Variants in MYO3B observed in about 807,000 individuals in gnomAD.
MYO3B encodes the protein myosin-IIIb.
Under a neutral mutation model 174.6 loss-of-function variants are expected in MYO3B, and 156 were observed. The observed-to-expected ratio is 0.89, with a 90% confidence interval of 0.78 to 1.02. The LOEUF (loss-of-function observed/expected upper bound fraction) is 1.02, where lower values mean the gene tolerates loss of function less well. Ranked by LOEUF, MYO3B falls within the 50% of genes least tolerant of loss-of-function variation. MYO3B has a pLI of 0.00. For missense variants in MYO3B, 1,632 were observed against 1,639.4 expected, an observed-to-expected ratio of 1.00 and a Z score of 0.08; for synonymous variants, 563 against 569.1, an observed-to-expected ratio of 0.99 and a Z score of 0.15.
intron 30 of MYO3B, among the ~76,000 whole-genome samples, chr2:170,534,130 A>G (rs1017154446): frequency 6.6e-6 from 1 of 152,180 alleles, no homozygotes. Flanking sequence ...TACGAACTGA[A>G]GGTTTGTGCC....
intron 32 of MYO3B, among the ~76,000 whole-genome samples, chr2:170,572,423 G>C (rs189665187): frequency 6.8e-6 from 1 of 146,350 alleles, no homozygotes; most frequent in African/African-American, 2.5e-5. Flanking sequence ...GCAAGACTCT[G>C]TCTCAAAAAA....
chr2:170,632,648 G>T (rs747624038), intron 32 of MYO3B, among the ~76,000 whole-genome samples: 1 of 152,092 alleles, frequency 6.6e-6, no homozygotes, highest in African/African-American at 2.4e-5. Context: ...AGAACTGAAA[G>T]AGATAGAGAC....
intron 1 of MYO3B, among the ~76,000 whole-genome samples, chr2:170,181,581 A>G (rs2092398952): frequency 6.6e-6 from 1 of 152,178 alleles, no homozygotes; most frequent in Non-Finnish European, 1.5e-5. Flanking sequence ...AGATTCCTGT[A>G]TCAGATGAAG....
At chr2:170,197,923 A>G (rs2092618192) in intron 1 of MYO3B, among the ~76,000 whole-genome samples, 1 of 152,152 alleles carries the variant, frequency 6.6e-6, no homozygotes, top group Non-Finnish European at 1.5e-5. Flanking sequence ...GCAAAGCAGC[A>G]AGGAATGTGC....
chr2:170,620,198 A>T (rs1695796895), intron 32 of MYO3B, among the ~76,000 whole-genome samples: 1 of 152,192 alleles, frequency 6.6e-6, no homozygotes. Flanking sequence ...CAAACCAAAA[A>T]AAAAACACTT....
At chr2:170,190,433 G>A (rs1485508369) in intron 1 of MYO3B, among the ~76,000 whole-genome samples, 1 of 152,118 alleles carries the variant, frequency 6.6e-6, no homozygotes, top group African/African-American at 2.4e-5. Context: ...TCCTTCCCCT[G>A]TAGGGCAGCA....
chr2:170,620,203 A>AC (rs1695798448), intron 32 of MYO3B, among the ~76,000 whole-genome samples: 1 of 152,170 alleles, frequency 6.6e-6, no homozygotes, highest in Non-Finnish European at 1.5e-5. Flanking sequence ...CAAAAAAAAA[A>AC]CACTTCTTCC....
intron 32 of MYO3B, among the ~76,000 whole-genome samples, chr2:170,634,454 A>C (rs1697287351): frequency 6.6e-6 from 1 of 150,936 alleles, no homozygotes; most frequent in Non-Finnish European, 1.5e-5. Context: ...CTTACACCTT[A>C]TACAAAAATT....
intron 32 of MYO3B, among the ~76,000 whole-genome samples, chr2:170,598,425 C>T (rs568093895): frequency 1.0e-3 from 156 of 152,312 alleles, no homozygotes; most frequent in Non-Finnish European, 1.9e-3. Context: ...CTGGAAACTA[C>T]GATTAGAATG....
chr2:170,325,855 G>A (rs2093862800), intron 7 of MYO3B, among the ~76,000 whole-genome samples: 1 of 152,090 alleles, frequency 6.6e-6, no homozygotes, highest in Non-Finnish European at 1.5e-5. Flanking sequence ...GCAGATGAAA[G>A]CTACATTCTC....
intron 8 of MYO3B, chr2:170,341,354 A>G (rs1254831520): frequency 6.6e-6 from 1 of 152,236 alleles, no homozygotes; most frequent in East Asian, 1.9e-4. Context: ...TAACTCAGTG[A>G]TGAAGTTTCA....
Position 170,274,072 on chromosome 2 carries a change from A to G in MYO3B, c.749+37936A>G, listed in dbSNP as rs575315773. 3.9e-5 allele frequency among the ~76,000 whole-genome samples: 6 copies of G among 152,072 alleles called. No homozygotes were observed. In the East Asian group the frequency reaches 9.7e-4, roughly 25 times the overall value. On this transcript the variant is annotated intron_variant, in intron 7 of 34. Coordinates refer to ENST00000408978, the MANE Select transcript of MYO3B (RefSeq NM_138995.5). ...GCCATATTAGACATATATCAGATGC[A>G]TAGGCAAAGCAAACTACGAGAGAGA...
At chr2:170,630,453 A>T (rs777369132) in intron 32 of MYO3B, among the ~76,000 whole-genome samples, 16 of 151,950 alleles carry the variant, frequency 1.1e-4, no homozygotes, top group Non-Finnish European at 1.5e-4. Context: ...GCCTCTGTAG[A>T]CTCCACCTCT....
chr2:170,602,525 A>C lies in MYO3B; in HGVS notation c.3734-49103A>C, dbSNP rs1313915174. On this transcript the variant is annotated intron_variant, in intron 32 of 34. Coordinates refer to ENST00000408978, the MANE Select transcript of MYO3B (RefSeq NM_138995.5). ...ACTGTTAATAGGATTTGTCTTCTCA[A>C]GTGTGCTAGGGCAGGAAAAAAAGTT... Among the ~76,000 whole-genome samples, 4 of 152,178 alleles carry C rather than the reference A, an allele frequency of 2.6e-5. No homozygotes were observed. The East Asian group carries it at 7.7e-4, about 29-fold the overall frequency.
intron 23 of MYO3B, among the ~76,000 whole-genome samples, chr2:170,456,286 T>C (rs980550287): frequency 2.6e-5 from 4 of 152,186 alleles, no homozygotes; most frequent in Non-Finnish European, 5.9e-5. Flanking sequence ...TCTGTCCAGT[T>C]GTGTTGACAG....
At chr2:170,416,571 T>G (rs1035899051) in intron 22 of MYO3B, among the ~76,000 whole-genome samples, 1 of 149,254 alleles carries the variant, frequency 6.7e-6, no homozygotes, top group Non-Finnish European at 1.5e-5. Context: ...GTCATTCCTC[T>G]GTTTAAAGTT....
intron 25 of MYO3B, among the ~76,000 whole-genome samples, chr2:170,494,887 G>A (rs1686754619): frequency 6.6e-6 from 1 of 152,126 alleles, no homozygotes; most frequent in Non-Finnish European, 1.5e-5. Context: ...TGAGCCCCAT[G>A]TCCTTCTCCC....
intron 32 of MYO3B, among the ~76,000 whole-genome samples, chr2:170,641,876 G>C (rs1489386599): frequency 3.5e-5 from 3 of 86,330 alleles, no homozygotes; most frequent in African/African-American, 1.9e-4. Context: ...GGGGGGGAGG[G>C]GCGGGGAGCC....
chr2:170,392,160 G>A (rs1338232362), intron 15 of MYO3B, among the ~76,000 whole-genome samples: 1 of 150,418 alleles, frequency 6.6e-6, no homozygotes, highest in Non-Finnish European at 1.5e-5. Context: ...GGGTGTGGTG[G>A]CATACACCTG....
Sources: allele counts gnomAD v4.1 joint callset (sites outside exome capture counted in the v4.1 genomes callset), GRCh38; gene constraint gnomAD v4.1.1; transcripts MANE v1.5; gene names NCBI Gene and HGNC (gene_info 2026-07-23, HGNC 2026-07-21).